Variants in HGF observed in about 807,000 individuals in gnomAD.
HGF encodes fibroblast-derived tumor cytotoxic factor.
In HGF, 39 loss-of-function variants were observed where a neutral mutation model predicts 111.6. That is an observed-to-expected ratio of 0.35 (90% CI 0.27 to 0.46). The LOEUF (loss-of-function observed/expected upper bound fraction) is 0.46. Ranked by LOEUF, HGF falls within the 20% of genes least tolerant of loss-of-function variation. The pLI is 1.00. For missense variants in HGF, 735 were observed against 910.5 expected, an observed-to-expected ratio of 0.81 and a Z score of 2.48; for synonymous variants, 285 against 294.8, an observed-to-expected ratio of 0.97 and a Z score of 0.34.
At chr7:81,702,876 T>G (rs1789320563) in intron 17 of HGF, 119 bp from the exon 18 acceptor site, 1 of 807,196 alleles carries the variant, frequency 1.2e-6, no homozygotes, top group Admixed American at 2.4e-5. Context: ...TAACTGCAAC[T>G]GAAATATGAA....
chr7:81,760,512 C>T (rs1051820786), intron 2 of HGF, among the ~76,000 whole-genome samples: 29 of 152,104 alleles, frequency 1.9e-4, no homozygotes, highest in Admixed American at 1.8e-3. Context: ...AAGTGGTTTA[C>T]GGTATTTTTC....
chr7:81,733,056 T>C (rs1197475081), intron 7 of HGF, among the ~76,000 whole-genome samples: 2 of 152,230 alleles, frequency 1.3e-5, no homozygotes, highest in East Asian at 1.9e-4. Context: ...TCTCATCACT[T>C]GAGCTATTAT....
At chr7:81,744,848 G>A (rs1788164847) in intron 6 of HGF, 152 bp downstream of exon 6, 1 of 876,690 alleles carries the variant, frequency 1.1e-6, no homozygotes. Context: ...AATTCTGTCA[G>A]AAGAACTCCT....
At position 81,700,600 on chromosome 7, in the gene HGF, C is replaced by A. The variant is rs1246203039; in HGVS notation, c.*1981G>T. 6.6e-6 allele frequency: 1 copy of A among 151,332 alleles called. No individual in the cohort carries two copies. Among genetic ancestry groups the A allele is most frequent in the Non-Finnish European group, 1.5e-5 (1 of 67,606 alleles). 9.4% of individuals were successfully genotyped at this position (151,332 alleles called of 1,614,324 possible). A position where few individuals can be genotyped will look rare whatever the true frequency, so the allele number is the denominator to read the frequency against. ...TCATTAATATGCAATAATAAAATTTCACTGGTTCAGCCAGAAGAAACTATG... is the reference window on the plus strand; with the variant it reads ...TCATTAATATGCAATAATAAAATTTAACTGGTTCAGCCAGAAGAAACTATG... On this transcript the variant is annotated 3_prime_UTR_variant, in exon 18 of 18. Coordinates refer to ENST00000222390, the MANE Select transcript of HGF (RefSeq NM_000601.6).
intron 14 of HGF, 106 bp downstream of exon 14, chr7:81,707,184 T>G (rs1232351674): frequency 4.2e-6 from 3 of 712,652 alleles, no homozygotes; most frequent in Non-Finnish European, 7.6e-6. Context: ...GTTCACCCCA[T>G]TTGTGAATCT....
At chr7:81,723,089 T>A (rs563454204) in intron 9 of HGF, among the ~76,000 whole-genome samples, 96 of 152,102 alleles carry the variant, frequency 6.3e-4, no homozygotes, top group African/African-American at 2.3e-3. Context: ...ACCCGGGCGA[T>A]GAAATTGTCT....
At chr7:81,726,096 T>C in intron 8 of HGF, 79 bp from the exon 9 acceptor site, 1 of 1,397,094 alleles carries the variant, frequency 7.2e-7, no homozygotes, top group Non-Finnish European at 1.0e-6. Flanking sequence ...TTTCTAGAAT[T>C]CTAGAATGTA....
At chr7:81,726,106 A>AT in intron 8 of HGF, 89 bp from the exon 9 acceptor site, 1 of 1,278,008 alleles carries the variant, frequency 7.8e-7, no homozygotes, top group South Asian at 1.2e-5. Context: ...TCTAGAATGT[A>AT]TGCATGTTTA....
rs140108977 is a variant in HGF at position 81,738,191 on chromosome 7, A to G, written c.865+5162T>C. On this transcript the variant is annotated intron_variant, in intron 7 of 17. Coordinates refer to ENST00000222390, the MANE Select transcript of HGF (RefSeq NM_000601.6). ...AAAACCCCATGACACAGGTTTACCT[A>G]CATGACAAACCTGCACATTTATGCC... 3.9e-5 allele frequency among the ~76,000 whole-genome samples: 6 copies of G among 152,268 alleles called. No individual in the cohort carries two copies. The East Asian group carries it at 9.6e-4, about 24-fold the overall frequency.
intron 10 of HGF, among the ~76,000 whole-genome samples, chr7:81,719,454 A>G (rs1405399076): frequency 1.3e-5 from 2 of 152,328 alleles, no homozygotes; most frequent in East Asian, 1.9e-4. Flanking sequence ...ACATATGGCT[A>G]CTGAGAAATT....
chr7:81,733,869 C>T (rs1364315453), intron 7 of HGF, among the ~76,000 whole-genome samples: 7 of 152,118 alleles, frequency 4.6e-5, no homozygotes, highest in South Asian at 4.1e-4. Context: ...AATTATTCCT[C>T]GATGGCAGTA....
At chr7:81,707,806 T>C (rs745452132) in intron 13 of HGF, among the ~76,000 whole-genome samples, 33 of 152,146 alleles carry the variant, frequency 2.2e-4, no homozygotes, top group Non-Finnish European at 4.1e-4. Flanking sequence ...AACCATCTAG[T>C]GGTAGCAATT....
intron 5 of HGF, among the ~76,000 whole-genome samples, chr7:81,747,934 TAAAAAACAAAAAAC>T (rs760739428): frequency 3.9e-5 from 6 of 152,026 alleles, no homozygotes; most frequent in Admixed American, 1.3e-4. Context: ...AGACTCTGTC[TAAAAAACAAAAAAC>T]AAAAAACAAA....
intron 5 of HGF, among the ~76,000 whole-genome samples, chr7:81,748,599 AG>A (rs1788368709): frequency 6.6e-6 from 1 of 152,194 alleles, no homozygotes; most frequent in Non-Finnish European, 1.5e-5. Flanking sequence ...TATATGTAGG[AG>A]TGCCCTTTGG....
At chr7:81,739,146 A>C (rs1787925808) in intron 7 of HGF, among the ~76,000 whole-genome samples, 2 of 152,112 alleles carry the variant, frequency 1.3e-5, no homozygotes. Context: ...AAAATATTTT[A>C]GGCTTTTCTC....
At chr7:81,719,619 T>A (rs981464972) in intron 10 of HGF, among the ~76,000 whole-genome samples, 1 of 152,218 alleles carries the variant, frequency 6.6e-6, no homozygotes, top group African/African-American at 2.4e-5. Context: ...AAATAAAATA[T>A]ATTAAAATTA....
intron 1 of HGF, among the ~76,000 whole-genome samples, chr7:81,767,307 A>AT (rs1166000255): frequency 2.6e-5 from 4 of 151,834 alleles, no homozygotes; most frequent in Admixed American, 6.6e-5. Context: ...AAAAAAAAAA[A>AT]CACCACATAG....
intron 14 of HGF, 131 bp from the exon 15 acceptor site, chr7:81,706,558 A>G: frequency 1.4e-6 from 1 of 703,798 alleles, no homozygotes; most frequent in Non-Finnish European, 2.4e-6. Context: ...ATAGTATAAT[A>G]AAGAACAACA....
In HGF at chr7:81,720,854, A is replaced by T; in HGVS notation, c.1169-7T>A. On this transcript the variant is annotated splice_polypyrimidine_tract_variant and splice_region_variant and intron_variant, in intron 9 of 17. Transcript: ENST00000222390. ...CCATTCCCACGATAACAATCTAGAC[A>T]TAAAATATACAGAAATAAGTCCAAT... 1 of 1,450,082 alleles carries T rather than the reference A, an allele frequency of 6.9e-7. No homozygotes were observed. Among genetic ancestry groups the T allele is most frequent in the Non-Finnish European group, 9.7e-7 (1 of 1,030,622 alleles). 89.8% of individuals were successfully genotyped at this position (1,450,082 alleles called of 1,614,324 possible). A position where few individuals can be genotyped will look rare whatever the true frequency, so the allele number is the denominator to read the frequency against.
Sources: allele counts gnomAD v4.1 joint callset (sites outside exome capture counted in the v4.1 genomes callset), GRCh38; gene constraint gnomAD v4.1.1; transcripts MANE v1.5; gene names NCBI Gene and HGNC (gene_info 2026-07-23, HGNC 2026-07-21).